The following PRELID2 variants were observed in gnomAD, a reference collection of about 807,000 sequenced individuals.
PRELID2 encodes the protein PRELI domain-containing protein 2.
A neutral mutation model predicts 28.4 loss-of-function variants in PRELID2; 25 were observed. That is an observed-to-expected ratio of 0.88 (90% CI 0.64 to 1.23). The LOEUF (loss-of-function observed/expected upper bound fraction) is 1.23, where lower values mean the gene tolerates loss of function less well. PRELID2 is among the 50% of genes most tolerant of loss of function. The pLI, the probability that PRELID2 is intolerant of heterozygous loss-of-function variation, is 0.00. For synonymous variants in PRELID2, 76 were observed against 71.6 expected (o/e 1.06, Z -0.31); for missense variants, 201 against 214.4 (o/e 0.94, Z 0.39).
intron 1 of PRELID2, among the ~76,000 whole-genome samples, chr5:145,644,445 G>GAACTTTTCAAAAAA (rs1754163010): frequency 6.7e-6 from 1 of 149,136 alleles, no homozygotes; most frequent in African/African-American, 2.5e-5. Flanking sequence ...CTATTTTGTT[G>GAACTTTTCAAAAAA]AACTTTTCAA....
At chr5:145,424,557 C>A in the PRELID2 span, among the ~76,000 whole-genome samples, 1 of 152,202 alleles carries the variant, frequency 6.6e-6, no homozygotes, top group Admixed American at 6.5e-5. Context: ...TGACCCCTTG[C>A]GCTTCCCAAG....
chr5:145,381,629 T>C, the PRELID2 span: 2 of 152,454 alleles, frequency 1.3e-5, no homozygotes, highest in African/African-American at 4.8e-5. Context: ...TAAAGAGCCT[T>C]GGTATTTGAA....
At position 145,817,899 on chromosome 5, in the gene PRELID2, T is replaced by C; in HGVS notation, c.363A>G (p.Pro121=). 6.5e-7 allele frequency: 1 copy of C among 1,546,406 alleles called. No individual in the cohort carries two copies. The highest frequency in any genetic ancestry group is 8.7e-7 in the Non-Finnish European group (1 of 1,149,316). The change falls in exon 4 of 7, where the codon CCA becomes CCG. Residue 121 remains proline (P), a synonymous_variant. Coordinates refer to ENST00000683046, the MANE Select transcript of PRELID2 (RefSeq NM_205846.3). ...ESVFRESMEN[P]NWTEFIQRGR... ...CATATACACACGAGTCTTACCAATT[T>C]GGGTTTTCCATACTTTCCCGGAAGA...
chr5:145,574,588 G>A (rs994452039), intron 1 of PRELID2, among the ~76,000 whole-genome samples: 1 of 152,014 alleles, frequency 6.6e-6, no homozygotes, highest in Non-Finnish European at 1.5e-5. Context: ...TATGTTTTGG[G>A]GTCCTTACCG....
At chr5:145,671,083 T>C (rs1754697439) in intron 1 of PRELID2, among the ~76,000 whole-genome samples, 1 of 152,142 alleles carries the variant, frequency 6.6e-6, no homozygotes. Flanking sequence ...AGCCCAGAAA[T>C]GGGAGCTATT....
the PRELID2 span, among the ~76,000 whole-genome samples, chr5:145,237,471 G>A: frequency 6.6e-6 from 1 of 152,100 alleles, no homozygotes; most frequent in South Asian, 2.1e-4. Context: ...TGACAAGAAT[G>A]TTTGTGTAGT....
rs780673697 is a variant in PRELID2, at chr5:145,823,140, C to CA, written c.76-7dup. 7.2e-7 allele frequency: 1 copy of CA among 1,397,140 alleles called. No individual in the cohort carries two copies. The highest frequency in any genetic ancestry group is 1.7e-5 in the Admixed American group (1 of 58,884). 86.5% of individuals were successfully genotyped at this position (1,397,140 alleles called of 1,614,324 possible). ...TTATCCATGGGGTTGGGGTACTAAA[C>CA]AAAAATATATAAAAAAGAATTACCA... On this transcript the variant is annotated splice_polypyrimidine_tract_variant and splice_region_variant and intron_variant, in intron 1 of 6. Coordinates refer to ENST00000683046, the MANE Select transcript of PRELID2 (RefSeq NM_205846.3).
At chr5:145,270,311 A>C in the PRELID2 span, among the ~76,000 whole-genome samples, 8 of 152,276 alleles carry the variant, frequency 5.3e-5, no homozygotes, top group East Asian at 1.5e-3. Flanking sequence ...TAGCAGCTCA[A>C]AACTAGAAGC....
At chr5:145,631,132 C>A (rs1371396340) in intron 1 of PRELID2, among the ~76,000 whole-genome samples, 1 of 152,138 alleles carries the variant, frequency 6.6e-6, no homozygotes, top group East Asian at 1.9e-4. Context: ...ATTCCTTTCC[C>A]AGTATGCACC....
intron 1 of PRELID2, among the ~76,000 whole-genome samples, chr5:145,560,012 C>G (rs1360632878): frequency 6.6e-6 from 1 of 152,114 alleles, no homozygotes; most frequent in Non-Finnish European, 1.5e-5. Context: ...TTAGCCTAGC[C>G]TACCTTAAAC....
chr5:145,573,880 G>A (rs1303811759), intron 1 of PRELID2, among the ~76,000 whole-genome samples: 1 of 152,160 alleles, frequency 6.6e-6, no homozygotes, highest in South Asian at 2.1e-4. Context: ...CAAGAAAAGA[G>A]GAGAGGGTAG....
chr5:145,739,014 G>C (rs1756574415), intron 1 of PRELID2, among the ~76,000 whole-genome samples: 1 of 152,126 alleles, frequency 6.6e-6, no homozygotes, highest in Admixed American at 6.5e-5. Flanking sequence ...GCTACAGGAA[G>C]TGGCAAATTT....
the PRELID2 span, among the ~76,000 whole-genome samples, chr5:145,451,618 C>G: frequency 1.3e-5 from 2 of 152,030 alleles, no homozygotes; most frequent in East Asian, 3.9e-4. Flanking sequence ...TTGATTAATC[C>G]CCCTTCTTTC....
rs191848349 is a variant in PRELID2, at chr5:145,695,889, T to C, written n.70+69042A>G. ...CACATAGACTGACTCTGATATAATA[T>C]GGGAGGGGACCACACAAAAGCATAA... On this transcript the variant is annotated intron_variant and non_coding_transcript_variant, in intron 1 of 2. Coordinates refer to the PRELID2 transcript ENST00000510259. 1.5e-3 allele frequency among the ~76,000 whole-genome samples: 235 copies of C among 152,138 alleles called. 2 individuals are homozygous for C. The highest frequency in any genetic ancestry group is 0.012 in the South Asian group (59 of 4,814).
At chr5:145,775,489 A>G (rs1480189321) in intron 5 of PRELID2, among the ~76,000 whole-genome samples, 4 of 152,192 alleles carry the variant, frequency 2.6e-5, no homozygotes, top group Non-Finnish European at 5.9e-5. Flanking sequence ...GCCATAAGAA[A>G]AAAAGCACCT....
chr5:145,612,051 T>C (rs1753624528), intron 1 of PRELID2, among the ~76,000 whole-genome samples: 1 of 152,160 alleles, frequency 6.6e-6, no homozygotes, highest in Non-Finnish European at 1.5e-5. Flanking sequence ...ACCAGGTGTT[T>C]TACCAACTGA....
At chr5:145,434,316 A>T in the PRELID2 span, among the ~76,000 whole-genome samples, 1 of 152,200 alleles carries the variant, frequency 6.6e-6, no homozygotes, top group East Asian at 1.9e-4. Flanking sequence ...CCATCTTCCA[A>T]TCCATGAGTA....
At chr5:145,587,955 C>T (rs1753176503) in intron 1 of PRELID2, among the ~76,000 whole-genome samples, 1 of 152,164 alleles carries the variant, frequency 6.6e-6, no homozygotes, top group Non-Finnish European at 1.5e-5. Context: ...GCAGCCACCA[C>T]TTAGAAAGAG....
At chr5:145,288,218 G>A in the PRELID2 span, among the ~76,000 whole-genome samples, 1 of 152,106 alleles carries the variant, frequency 6.6e-6, no homozygotes, top group African/African-American at 2.4e-5. Context: ...GAGGTAGAAA[G>A]TTATGTGGGA....
Sources: allele counts gnomAD v4.1 joint callset (sites outside exome capture counted in the v4.1 genomes callset), GRCh38; gene constraint gnomAD v4.1.1; transcripts MANE v1.5; gene names NCBI Gene and HGNC (gene_info 2026-07-23, HGNC 2026-07-21).